Variants in PHACTR1 observed in about 807,000 individuals in gnomAD.
PHACTR1 encodes the protein RPEL repeat containing 1.
A neutral mutation model predicts 69.2 loss-of-function variants in PHACTR1; 16 were observed. The observed-to-expected ratio is 0.23, with a 90% CI of 0.16 to 0.35. The LOEUF (loss-of-function observed/expected upper bound fraction) is 0.35. Ranked by LOEUF, PHACTR1 falls within the 10% of genes least tolerant of loss-of-function variation. The pLI is 1.00. For synonymous variants in PHACTR1, 312 were observed against 284.5 expected, an observed-to-expected ratio of 1.10 and a Z score of -0.97; for missense variants, 510 against 734.7, an observed-to-expected ratio of 0.69 and a Z score of 3.54.
At chr6:13,020,266 G>C (rs1295859816) in intron 4 of PHACTR1, among the ~76,000 whole-genome samples, 2 of 152,230 alleles carry the variant, frequency 1.3e-5, no homozygotes, top group African/African-American at 4.8e-5. Context: ...GACCATTCAA[G>C]AGAAGTTATA....
At chr6:13,027,199 C>G (rs961739980) in intron 4 of PHACTR1, among the ~76,000 whole-genome samples, 2 of 152,166 alleles carry the variant, frequency 1.3e-5, no homozygotes, top group Non-Finnish European at 2.9e-5. Context: ...CAAATGCTCT[C>G]TTACTTTGCT....
chr6:13,032,487 G>C (rs1483324328), intron 4 of PHACTR1, among the ~76,000 whole-genome samples: 1 of 152,142 alleles, frequency 6.6e-6, no homozygotes, highest in African/African-American at 2.4e-5. Flanking sequence ...TCCTATTGTT[G>C]CTATGTTTAC....
intron 4 of PHACTR1, 21 bp downstream of exon 4, chr6:12,749,811 GCGCCCC>G (rs80085591): frequency 1.0e-5 from 16 of 1,558,368 alleles, no homozygotes; most frequent in Middle Eastern, 2.1e-4. Flanking sequence ...CCCTGGCGCC[GCGCCCC>G]CGCCCCCGCC....
intron 4 of PHACTR1, among the ~76,000 whole-genome samples, chr6:12,864,044 T>C (rs1328065094): frequency 6.6e-6 from 1 of 152,222 alleles, no homozygotes; most frequent in Non-Finnish European, 1.5e-5. Flanking sequence ...CCATTGCTGG[T>C]GGTATTCAAT....
chr6:12,755,827 T>C (rs1767248653), intron 4 of PHACTR1, among the ~76,000 whole-genome samples: 1 of 152,174 alleles, frequency 6.6e-6, no homozygotes, highest in African/African-American at 2.4e-5. Flanking sequence ...ATATTTCCCC[T>C]TTACCCTTTT....
chr6:13,285,208 T>C (rs536945514), intron 13 of PHACTR1, among the ~76,000 whole-genome samples: 1 of 152,322 alleles, frequency 6.6e-6, no homozygotes, highest in East Asian at 1.9e-4. Flanking sequence ...AGTTTCTCAA[T>C]GGCTGTTGGG....
intron 4 of PHACTR1, among the ~76,000 whole-genome samples, chr6:12,784,310 A>G (rs1252697943): frequency 3.3e-5 from 5 of 150,844 alleles, no homozygotes; most frequent in African/African-American, 4.8e-5. Flanking sequence ...ATACATATAT[A>G]TCTATACACA....
intron 4 of PHACTR1, among the ~76,000 whole-genome samples, chr6:13,007,174 C>T (rs533457096): frequency 6.6e-6 from 1 of 152,246 alleles, no homozygotes; most frequent in South Asian, 2.1e-4. Flanking sequence ...TCCTTTATTG[C>T]TTGACTTCCC....
chr6:12,846,128 C>T (rs898861019), intron 4 of PHACTR1, among the ~76,000 whole-genome samples: 1 of 152,162 alleles, frequency 6.6e-6, no homozygotes, highest in East Asian at 1.9e-4. Flanking sequence ...TGAAGACTTT[C>T]GCTCTCCACT....
intron 5 of PHACTR1, among the ~76,000 whole-genome samples, chr6:13,073,907 G>A (rs933898377): frequency 8.8e-5 from 13 of 147,148 alleles, no homozygotes; most frequent in East Asian, 2.0e-4. Flanking sequence ...GAGTCTTGCC[G>A]TGTCACCCAG....
chr6:13,193,385 A>ATATATATATATAT (rs1561971538), intron 7 of PHACTR1, among the ~76,000 whole-genome samples: 5 of 136,512 alleles, frequency 3.7e-5, no homozygotes, highest in Non-Finnish European at 8.0e-5. Flanking sequence ...ATATATATAT[A>ATATATATATATAT]GTTTTGGGGA....
At chr6:12,816,325 C>G (rs114187996) in intron 4 of PHACTR1, among the ~76,000 whole-genome samples, 1 of 152,148 alleles carries the variant, frequency 6.6e-6, no homozygotes, top group African/African-American at 2.4e-5. Flanking sequence ...ACATTTTATC[C>G]GTCTCTTAAT....
intron 4 of PHACTR1, among the ~76,000 whole-genome samples, chr6:12,967,045 GAATT>G (rs1466277442): frequency 6.6e-6 from 1 of 152,036 alleles, no homozygotes; most frequent in East Asian, 1.9e-4. Flanking sequence ...GTATTGCTGA[GAATT>G]ATTTGCCCAT....
intron 6 of PHACTR1, among the ~76,000 whole-genome samples, chr6:13,169,717 T>C (rs1742344545): frequency 1.3e-5 from 2 of 152,202 alleles, no homozygotes; most frequent in Admixed American, 6.5e-5. Context: ...AAAAGTGCCC[T>C]TTTGATTACA....
intron 4 of PHACTR1, among the ~76,000 whole-genome samples, chr6:12,856,708 G>C (rs1195797263): frequency 6.6e-6 from 1 of 152,166 alleles, no homozygotes; most frequent in Non-Finnish European, 1.5e-5. Context: ...AGGCTTTCAA[G>C]ATCCTGCGTT....
intron 4 of PHACTR1, among the ~76,000 whole-genome samples, chr6:12,808,232 C>A (rs1434757349): frequency 1.3e-5 from 2 of 152,190 alleles, no homozygotes; most frequent in Non-Finnish European, 2.9e-5. Flanking sequence ...GATTCTTTAT[C>A]CGTCTCTTAA....
chr6:13,117,143 C>T (rs1817937699), intron 5 of PHACTR1, among the ~76,000 whole-genome samples: 1 of 152,162 alleles, frequency 6.6e-6, no homozygotes, highest in Admixed American at 6.5e-5. Context: ...TGTTTCAGAG[C>T]CGCTGACACT....
At chr6:13,089,045 T>C (rs898185531) in intron 5 of PHACTR1, among the ~76,000 whole-genome samples, 1 of 152,220 alleles carries the variant, frequency 6.6e-6, no homozygotes. Context: ...ATCTCCTCTG[T>C]CTCCTTTACC....
intron 4 of PHACTR1, among the ~76,000 whole-genome samples, chr6:12,940,947 T>A (rs535436755): frequency 6.6e-6 from 1 of 152,358 alleles, no homozygotes; most frequent in East Asian, 1.9e-4. Context: ...GGTGTCTGTA[T>A]AGATTGTCCT....
Sources: gnomAD v4.1 joint callset for allele counts (sites outside exome capture counted in the v4.1 genomes callset) on GRCh38, gnomAD v4.1.1 for gene constraint, MANE v1.5 for transcripts, NCBI Gene and HGNC (gene_info 2026-07-23, HGNC 2026-07-21) for gene names.